Variants in RAB31 observed in about 807,000 individuals in gnomAD.
The protein encoded by RAB31 is RAB31, member RAS oncogene family.
RAB31 carries 21 observed loss-of-function variants against 25.6 expected under a neutral mutation model. The ratio of observed to expected loss-of-function variants is 0.82; its 90% confidence interval spans 0.58 to 1.18. The LOEUF (loss-of-function observed/expected upper bound fraction) is 1.18, where lower values mean the gene tolerates loss of function less well. Ranked by LOEUF, RAB31 falls within the 50% of genes most tolerant of loss-of-function variation. The pLI, the probability that RAB31 is intolerant of heterozygous loss-of-function variation, is 0.00. For synonymous variants in RAB31, 87 were observed against 84.0 expected, an observed-to-expected ratio of 1.04 and a Z score of -0.20; for missense variants, 196 against 250.1, an observed-to-expected ratio of 0.78 and a Z score of 1.46.
At chr18:9,835,770 TA>T in intron 5 of RAB31, among the ~76,000 whole-genome samples, 1 of 152,340 alleles carries the variant, frequency 6.6e-6, no homozygotes, top group East Asian at 1.9e-4. Flanking sequence ...TTCTCACAGG[TA>T]AAAATCCAAG....
intron 2 of RAB31, among the ~76,000 whole-genome samples, chr18:9,789,868 C>T (rs1163407731): frequency 6.6e-6 from 1 of 152,098 alleles, no homozygotes; most frequent in Non-Finnish European, 1.5e-5. Flanking sequence ...TCATTTATTG[C>T]AATTGTAGGT....
At chr18:9,753,264 T>A (rs1383019757) in intron 1 of RAB31, among the ~76,000 whole-genome samples, 1 of 152,168 alleles carries the variant, frequency 6.6e-6, no homozygotes, top group African/African-American at 2.4e-5. Context: ...TAGGAGGTAA[T>A]TGGGTCATGA....
chr18:9,783,165 C>T (rs1484130791), intron 2 of RAB31, among the ~76,000 whole-genome samples: 1 of 152,100 alleles, frequency 6.6e-6, no homozygotes. Flanking sequence ...AGGGGAATTT[C>T]GCAGGTATCC....
intron 1 of RAB31, among the ~76,000 whole-genome samples, chr18:9,765,880 T>A (rs1300748375): frequency 6.6e-6 from 1 of 150,548 alleles, no homozygotes; most frequent in Non-Finnish European, 1.5e-5. Flanking sequence ...CCGAGACTCT[T>A]GTTGGGTATA....
At chr18:9,719,921 G>A (rs2068065965) in intron 1 of RAB31, among the ~76,000 whole-genome samples, 1 of 152,002 alleles carries the variant, frequency 6.6e-6, no homozygotes, top group African/African-American at 2.4e-5. Flanking sequence ...AGCAAGCCGC[G>A]GGGCACAGCA....
chr18:9,712,080 C>G (rs1401337357), intron 1 of RAB31, among the ~76,000 whole-genome samples: 2 of 152,184 alleles, frequency 1.3e-5, no homozygotes, highest in Non-Finnish European at 2.9e-5. Flanking sequence ...GGGCCGGGTG[C>G]CAGGTCTTCT....
At chr18:9,830,316 T>C (rs1166293891) in intron 5 of RAB31, 2 of 152,094 alleles carry the variant, frequency 1.3e-5, no homozygotes, top group East Asian at 3.9e-4. Context: ...CCCAGTTCTT[T>C]TTTTCATTTT....
At chr18:9,712,879 T>A (rs555612974) in intron 1 of RAB31, among the ~76,000 whole-genome samples, 1 of 152,374 alleles carries the variant, frequency 6.6e-6, no homozygotes, top group South Asian at 2.1e-4. Context: ...GCCGATGGCT[T>A]CCCTGCTTCT....
chr18:9,808,429 A>G (rs141781491), intron 3 of RAB31, among the ~76,000 whole-genome samples: 53 of 152,302 alleles, frequency 3.5e-4, no homozygotes, highest in Non-Finnish European at 7.1e-4. Flanking sequence ...GGGTTTTAGG[A>G]CATCTGAGTA....
At chr18:9,834,113 G>GC (rs1339233901) in intron 5 of RAB31, among the ~76,000 whole-genome samples, 1 of 152,006 alleles carries the variant, frequency 6.6e-6, no homozygotes, top group African/African-American at 2.4e-5. Context: ...CCACTATGCA[G>GC]CCCTTTTTTT....
At chr18:9,721,726 T>TG (rs1282841694) in intron 1 of RAB31, among the ~76,000 whole-genome samples, 2 of 151,616 alleles carry the variant, frequency 1.3e-5, no homozygotes, top group African/African-American at 4.8e-5. Context: ...TTCTAGGGGT[T>TG]GGGGGAATAG....
chr18:9,741,764 C>T (rs1317431108), intron 1 of RAB31, among the ~76,000 whole-genome samples: 1 of 152,230 alleles, frequency 6.6e-6, no homozygotes, highest in Non-Finnish European at 1.5e-5. Context: ...TGACTTTTCA[C>T]AGGAACCCAG....
intron 3 of RAB31, among the ~76,000 whole-genome samples, chr18:9,801,836 G>C (rs1033077435): frequency 6.6e-6 from 1 of 152,200 alleles, no homozygotes; most frequent in East Asian, 1.9e-4. Context: ...TCCCTGTGAT[G>C]CATTTGGAGT....
chr18:9,771,692 A>G (rs989823619), intron 1 of RAB31, among the ~76,000 whole-genome samples: 1 of 152,202 alleles, frequency 6.6e-6, no homozygotes, highest in African/African-American at 2.4e-5. Flanking sequence ...GAGGAACAGC[A>G]GTCGCCCCTG....
chr18:9,854,571 T>G (rs1219915873), intron 6 of RAB31, among the ~76,000 whole-genome samples: 3 of 152,162 alleles, frequency 2.0e-5, no homozygotes, highest in Non-Finnish European at 4.4e-5. Flanking sequence ...CCTGACCTAA[T>G]GAGCTTCCCA....
chr18:9,785,799 G>C (rs550972801), intron 2 of RAB31, among the ~76,000 whole-genome samples: 7 of 150,322 alleles, frequency 4.7e-5, no homozygotes, highest in Non-Finnish European at 8.9e-5. Context: ...AGTGGCTCAC[G>C]CCTGTAATCC....
At chr18:9,804,536 C>T (rs1224690790) in intron 3 of RAB31, among the ~76,000 whole-genome samples, 1 of 152,168 alleles carries the variant, frequency 6.6e-6, no homozygotes, top group African/African-American at 2.4e-5. Context: ...TTTGTTTCCT[C>T]TCCTCCCTTC....
intron 1 of RAB31, among the ~76,000 whole-genome samples, chr18:9,729,263 C>T (rs1017849119): frequency 6.6e-6 from 1 of 152,194 alleles, no homozygotes; most frequent in Non-Finnish European, 1.5e-5. Flanking sequence ...CGCGATGGCT[C>T]ATGTCTGTAA....
At chr18:9,739,024 A>G (rs1054813176) in intron 1 of RAB31, among the ~76,000 whole-genome samples, 1 of 152,224 alleles carries the variant, frequency 6.6e-6, no homozygotes, top group Non-Finnish European at 1.5e-5. Context: ...GTGAGAGTAG[A>G]CTAGGAGAAA....
Sources: allele counts gnomAD v4.1 joint callset (sites outside exome capture counted in the v4.1 genomes callset), GRCh38; gene constraint gnomAD v4.1.1; transcripts MANE v1.5; gene names NCBI Gene and HGNC (gene_info 2026-07-23, HGNC 2026-07-21).